Variants in MCTP2 observed in about 807,000 individuals in gnomAD.
MCTP2 encodes multiple C2 and transmembrane domain containing 2.
Under a neutral mutation model 111.6 loss-of-function variants are expected in MCTP2, and 132 were observed. The ratio of observed to expected loss-of-function variants is 1.18; its 90% CI spans 1.03 to 1.37. The LOEUF is 1.37. Among genes scored for constraint, MCTP2 ranks in the 40% most tolerant of loss-of-function variants. The pLI is 0.00. For missense variants in MCTP2, 1,183 were observed against 1,067.9 expected (o/e 1.11, Z -1.50); for synonymous variants, 395 against 387.7 (o/e 1.02, Z -0.22).
chr15:94,431,082 G>A (rs934329253), intron 17 of MCTP2, among the ~76,000 whole-genome samples: 2 of 151,958 alleles, frequency 1.3e-5, no homozygotes, highest in Non-Finnish European at 2.9e-5. Context: ...GCTACATAAA[G>A]GCTGCTTTTG....
chr15:94,348,117 A>G (rs1254818928), intron 8 of MCTP2, among the ~76,000 whole-genome samples: 3 of 152,098 alleles, frequency 2.0e-5, no homozygotes, highest in Admixed American at 6.5e-5. Context: ...CATGACTTAT[A>G]CTAGTGTAAT....
At chr15:94,453,235 G>A (rs1293601000) in intron 19 of MCTP2, among the ~76,000 whole-genome samples, 1 of 152,162 alleles carries the variant, frequency 6.6e-6, no homozygotes, top group Non-Finnish European at 1.5e-5. Context: ...TGTGACCAGA[G>A]TTCTCAAAGA....
intron 1 of MCTP2, among the ~76,000 whole-genome samples, chr15:94,242,809 G>A (rs973983178): frequency 6.6e-6 from 1 of 151,122 alleles, no homozygotes; most frequent in African/African-American, 2.4e-5. Flanking sequence ...GCAGTATTGG[G>A]TTTAGTGGTT....
rs544559728 is a variant in MCTP2 at position 94,311,197 on chromosome 15, G to T, written c.466-3085G>T. Among the ~76,000 whole-genome samples, 630 of 151,640 alleles carry T rather than the reference G, an allele frequency of 4.2e-3. 1 individual carries two copies. Among genetic ancestry groups the T allele is most frequent in the Non-Finnish European group, 7.1e-3 (479 of 67,856 alleles). ...ACGCCACCACACCCGGCTAATTTTTGTATTTTTATTAGAGATGGGGGGGTT... is the reference window on the plus strand; with the variant it reads ...ACGCCACCACACCCGGCTAATTTTTTTATTTTTATTAGAGATGGGGGGGTT... On this transcript the variant is annotated intron_variant, in intron 2 of 22. Transcript: ENST00000357742.
intron 1 of MCTP2, among the ~76,000 whole-genome samples, chr15:94,296,782 A>G (rs540123186): frequency 3.3e-5 from 5 of 152,366 alleles, no homozygotes; most frequent in African/African-American, 1.2e-4. Context: ...AGAGTAAATC[A>G]GAATTGTAAC....
chr15:94,435,494 A>G (rs1412197040), intron 17 of MCTP2, among the ~76,000 whole-genome samples: 1 of 151,954 alleles, frequency 6.6e-6, no homozygotes, highest in African/African-American at 2.4e-5. Context: ...TGATTTCGAT[A>G]TTTTAATAAT....
chr15:94,372,024 G>T (rs2079517533), intron 12 of MCTP2, among the ~76,000 whole-genome samples: 1 of 151,816 alleles, frequency 6.6e-6, no homozygotes, highest in Admixed American at 6.5e-5. Flanking sequence ...TGAAGAAAGA[G>T]TCTTTGTAAA....
chr15:94,451,650 A>G (rs1371231822), intron 19 of MCTP2, among the ~76,000 whole-genome samples: 5 of 152,212 alleles, frequency 3.3e-5, no homozygotes, highest in African/African-American at 4.8e-5. Flanking sequence ...CTTCCTAGGC[A>G]GTTTGGTAGC....
chr15:94,376,733 G>A (rs2079793573), intron 12 of MCTP2, among the ~76,000 whole-genome samples: 1 of 152,078 alleles, frequency 6.6e-6, no homozygotes, highest in Non-Finnish European at 1.5e-5. Context: ...GCCACTTTTA[G>A]AAATCTAGTT....
At chr15:94,475,745 A>G (rs1298076253) in intron 21 of MCTP2, among the ~76,000 whole-genome samples, 1 of 152,210 alleles carries the variant, frequency 6.6e-6, no homozygotes, top group East Asian at 1.9e-4. Flanking sequence ...AGCTCCGGAT[A>G]TAGTCAAAGC....
At chr15:94,251,752 G>A (rs1034851463) in intron 1 of MCTP2, among the ~76,000 whole-genome samples, 23 of 152,126 alleles carry the variant, frequency 1.5e-4, no homozygotes, top group African/African-American at 5.3e-4. Context: ...TCTTCATTTT[G>A]TGTAACTGAA....
At chr15:94,354,770 G>C (rs1297716567) in intron 8 of MCTP2, among the ~76,000 whole-genome samples, 25 of 152,170 alleles carry the variant, frequency 1.6e-4, no homozygotes. Context: ...GAGTGGTGGA[G>C]TGGCCTGGGT....
intron 1 of MCTP2, among the ~76,000 whole-genome samples, chr15:94,281,375 G>A (rs911676963): frequency 1.4e-4 from 21 of 152,054 alleles, no homozygotes; most frequent in African/African-American, 3.4e-4. Flanking sequence ...GAAAAAAATA[G>A]GAACCCCTGC....
intron 1 of MCTP2, among the ~76,000 whole-genome samples, chr15:94,262,653 ATTTC>A (rs2073254102): frequency 6.9e-6 from 1 of 144,172 alleles, no homozygotes; most frequent in Non-Finnish European, 1.5e-5. Flanking sequence ...AAAAACCTCT[ATTTC>A]TTTCTTTTTT....
intron 1 of MCTP2, among the ~76,000 whole-genome samples, chr15:94,243,409 A>G (rs2071259485): frequency 6.7e-6 from 1 of 149,222 alleles, no homozygotes; most frequent in Non-Finnish European, 1.5e-5. Context: ...GTATGTACAT[A>G]CATACGTATG....
intron 17 of MCTP2, among the ~76,000 whole-genome samples, chr15:94,434,565 G>C (rs974161183): frequency 6.6e-6 from 1 of 152,050 alleles, no homozygotes; most frequent in Admixed American, 6.5e-5. Context: ...AAGAGTAGGT[G>C]ATTTTTTTTC....
chr15:94,474,470 C>T (rs1049555518), intron 21 of MCTP2, among the ~76,000 whole-genome samples: 50 of 152,172 alleles, frequency 3.3e-4, no homozygotes, highest in African/African-American at 6.8e-4. Flanking sequence ...AGGAAGGTTA[C>T]GTGATTTTTC....
At chr15:94,320,417 A>G (rs901127410) in intron 4 of MCTP2, among the ~76,000 whole-genome samples, 1 of 152,130 alleles carries the variant, frequency 6.6e-6, no homozygotes, top group Admixed American at 6.5e-5. Flanking sequence ...CTGGGATTAC[A>G]GCTGTGAGCC....
intron 4 of MCTP2, among the ~76,000 whole-genome samples, chr15:94,325,801 C>A (rs115116369): frequency 0.038 from 5,191 of 138,106 alleles, 336 homozygotes; most frequent in African/African-American, 0.13. Flanking sequence ...CTACTCTACT[C>A]CATCGCTCCG....
Sources: allele counts gnomAD v4.1 joint callset (sites outside exome capture counted in the v4.1 genomes callset), GRCh38; gene constraint gnomAD v4.1.1; transcripts MANE v1.5; gene names NCBI Gene and HGNC (gene_info 2026-07-23, HGNC 2026-07-21).